The following CLIC5 variants were observed in gnomAD, a reference collection of about 807,000 sequenced individuals.
The protein encoded by CLIC5 is CLIC family member 5, also known as chloride intracellular channel protein 5.
Under a neutral mutation model 24.7 loss-of-function variants are expected in CLIC5, and 20 were observed. That is an observed-to-expected ratio of 0.81 (90% CI 0.57 to 1.18). The LOEUF (loss-of-function observed/expected upper bound fraction) is 1.18, where lower values mean the gene tolerates loss of function less well. CLIC5 is among the 50% of genes most tolerant of loss of function. The probability of loss-of-function intolerance (pLI) is 0.00; values close to 1 mark genes in which losing one functional copy is unlikely to be tolerated. For missense variants in CLIC5, 341 were observed against 326.1 expected (o/e 1.05, Z -0.35); for synonymous variants, 159 against 135.6 (o/e 1.17, Z -1.20).
intron 1 of CLIC5, among the ~76,000 whole-genome samples, chr6:45,987,568 A>G (rs1195241130): frequency 2.0e-5 from 3 of 152,218 alleles, no homozygotes; most frequent in Admixed American, 2.0e-4. Context: ...AATCCTGTAG[A>G]TTGTGTGGCT....
chr6:46,091,875 G>A, the CLIC5 span, among the ~76,000 whole-genome samples: 1 of 152,282 alleles, frequency 6.6e-6, no homozygotes, highest in South Asian at 2.1e-4. Flanking sequence ...TATATAGCCA[G>A]TAGAGGAATT....
intron 1 of CLIC5, among the ~76,000 whole-genome samples, chr6:46,031,224 G>A (rs1230149421): frequency 3.3e-5 from 5 of 152,166 alleles, no homozygotes; most frequent in African/African-American, 1.2e-4. Flanking sequence ...AAAATAGTAA[G>A]TTGCTGGATC....
chr6:46,055,905 A>G (rs553502240), intron 1 of CLIC5, among the ~76,000 whole-genome samples: 13 of 152,314 alleles, frequency 8.5e-5, no homozygotes, highest in Non-Finnish European at 1.5e-4. Flanking sequence ...CAGAAAGTAA[A>G]GTGGTTATTG....
intron 6 of CLIC5, among the ~76,000 whole-genome samples, chr6:45,887,322 G>T (rs1240224614): frequency 6.6e-6 from 1 of 152,150 alleles, no homozygotes; most frequent in African/African-American, 2.4e-5. Flanking sequence ...GAGAATCCTT[G>T]TCTCTTCCCC....
chr6:46,090,423 C>T, the CLIC5 span, among the ~76,000 whole-genome samples: 1 of 149,224 alleles, frequency 6.7e-6, no homozygotes, highest in Non-Finnish European at 1.5e-5. Context: ...TTTTTTTCCA[C>T]TTCCCAATTA....
intron 1 of CLIC5, among the ~76,000 whole-genome samples, chr6:45,981,997 C>A (rs74477611): frequency 3.5e-4 from 47 of 133,618 alleles, no homozygotes; most frequent in Admixed American, 6.0e-4. Context: ...GACTCCATCT[C>A]AAAAAAAAAA....
Position 45,959,518 on chromosome 6 carries a change from TTTG to T in CLIC5, c.64-4277_64-4275del, listed in dbSNP as rs151117400. Among the ~76,000 whole-genome samples, 422 of 151,554 alleles carry T rather than the reference TTTG, an allele frequency of 2.8e-3. 1 individual carries two copies. Among genetic ancestry groups the T allele is most frequent in the Middle Eastern group, 0.01 (3 of 292 alleles). On this transcript the variant is annotated intron_variant, in intron 1 of 5. Transcript: ENST00000339561. ...GTATTTAGTTGGGGTATATGGGGCT[TTTG>T]TTGTTGTTGTTGTTGTTGTTGTTGT...
intron 5 of CLIC5, among the ~76,000 whole-genome samples, chr6:45,904,313 C>A (rs1363353735): frequency 6.6e-6 from 1 of 151,998 alleles, no homozygotes; most frequent in African/African-American, 2.4e-5. Flanking sequence ...TATTATAATT[C>A]ATTGAGACCT....
intron 1 of CLIC5, among the ~76,000 whole-genome samples, chr6:46,048,194 G>C (rs1261897155): frequency 6.6e-6 from 1 of 151,982 alleles, no homozygotes; most frequent in African/African-American, 2.4e-5. Flanking sequence ...CTAGAGACAG[G>C]GTTTTGCCAT....
At chr6:46,082,923 G>A (rs928582513), upstream of CLIC5, among the ~76,000 whole-genome samples, 5 of 152,196 alleles carry the variant, frequency 3.3e-5, no homozygotes, top group African/African-American at 4.8e-5. Context: ...ATATGGCGGC[G>A]AATCTCTGTC....
At chr6:46,001,969 G>A (rs932294232) in intron 1 of CLIC5, among the ~76,000 whole-genome samples, 2 of 152,120 alleles carry the variant, frequency 1.3e-5, no homozygotes, top group Non-Finnish European at 2.9e-5. Flanking sequence ...GTCTCAGAAA[G>A]ACTCAGAAAG....
At chr6:46,042,726 G>A (rs889013188) in intron 1 of CLIC5, among the ~76,000 whole-genome samples, 3 of 152,138 alleles carry the variant, frequency 2.0e-5, no homozygotes, top group Non-Finnish European at 2.9e-5. Context: ...ACATGTACCC[G>A]AGCCCAAGAT....
chr6:46,082,691 C>T (rs1359147402), upstream of CLIC5, among the ~76,000 whole-genome samples: 1 of 152,026 alleles, frequency 6.6e-6, no homozygotes, highest in Non-Finnish European at 1.5e-5. Flanking sequence ...TAAATTTTTG[C>T]TTTAATGTCC....
At chr6:45,918,826 A>G (rs1478635797) in intron 4 of CLIC5, 1 of 395,034 alleles carries the variant, frequency 2.5e-6, no homozygotes, top group Non-Finnish European at 3.4e-6. Context: ...TCCCGCAGTG[A>G]GCTAGGGATG....
At chr6:45,963,330 T>G (rs1363866259) in intron 1 of CLIC5, among the ~76,000 whole-genome samples, 1 of 152,322 alleles carries the variant, frequency 6.6e-6, no homozygotes, top group East Asian at 1.9e-4. Flanking sequence ...AGGCAGGCAG[T>G]CTGTGCAGTT....
downstream of CLIC5, chr6:45,880,836 CAG>C (rs774503348): frequency 1.0e-5 from 3 of 290,204 alleles, no homozygotes; most frequent in South Asian, 1.7e-4. Context: ...CTGAGAGAGG[CAG>C]AGTTAGTTTA....
At chr6:46,067,743 G>A (rs1020715559) in intron 1 of CLIC5, among the ~76,000 whole-genome samples, 2 of 152,118 alleles carry the variant, frequency 1.3e-5, no homozygotes, top group Non-Finnish European at 1.5e-5. Context: ...ATGAGTGCCT[G>A]AGAACTAAAG....
At chr6:46,090,145 A>G in the CLIC5 span, among the ~76,000 whole-genome samples, 279 of 152,360 alleles carry the variant, frequency 1.8e-3, 7 homozygotes, top group East Asian at 0.047. Context: ...AAAATACCAG[A>G]TGTCTATAAT....
At chr6:45,957,961 C>T (rs558854819) in intron 1 of CLIC5, among the ~76,000 whole-genome samples, 1 of 152,024 alleles carries the variant, frequency 6.6e-6, no homozygotes, top group East Asian at 1.9e-4. Context: ...ATTTTGAGCA[C>T]TGGGGGCCAG....
Sources: gnomAD v4.1 joint callset for allele counts (sites outside exome capture counted in the v4.1 genomes callset) on GRCh38, gnomAD v4.1.1 for gene constraint, MANE v1.5 for transcripts, NCBI Gene and HGNC (gene_info 2026-07-23, HGNC 2026-07-21) for gene names.